The following CLIP1 variants were observed in gnomAD, a reference collection of about 807,000 sequenced individuals.
CLIP1 encodes the protein CAP-Gly domain-containing linker protein 1.
A neutral mutation model predicts 161.6 loss-of-function variants in CLIP1; 66 were observed. The observed-to-expected ratio is 0.41, with a 90% CI of 0.33 to 0.50. CLIP1 has a LOEUF of 0.50. Ranked by LOEUF, CLIP1 falls within the 20% of genes least tolerant of loss-of-function variation. The probability of loss-of-function intolerance (pLI) is 0.27; values close to 1 mark genes in which losing one functional copy is unlikely to be tolerated. For missense variants in CLIP1, 1,376 were observed against 1,702.0 expected (o/e 0.81, Z 3.37); for synonymous variants, 598 against 626.2 (o/e 0.96, Z 0.67).
At chr12:122,335,550 T>C (rs1015644140) in intron 12 of CLIP1, among the ~76,000 whole-genome samples, 1 of 151,962 alleles carries the variant, frequency 6.6e-6, no homozygotes. Context: ...CTCACGCCTA[T>C]AATCCCAGCA....
intron 12 of CLIP1, among the ~76,000 whole-genome samples, chr12:122,335,510 T>C (rs1952175790): frequency 6.6e-6 from 1 of 151,568 alleles, no homozygotes; most frequent in African/African-American, 2.4e-5. Context: ...CAAAACATTT[T>C]CTTAAAGGAC....
At position 122,341,658 on chromosome 12, in the gene CLIP1, C is replaced by T; in HGVS notation, c.1546G>A (p.Glu516Lys). The T allele has an allele frequency of 6.2e-7, 1 of 1,608,168 alleles. No homozygotes were observed. The highest frequency in any genetic ancestry group is 8.5e-7 in the Non-Finnish European group (1 of 1,178,232). Residue 516 changes from glutamate to lysine, a missense_variant, in exon 11 of 26, where the codon GAG (glutamate) becomes AAG (lysine). By Grantham distance (56) the Glu-to-Lys change is moderately conservative. Around this residue, in one of 6 missense-constraint regions of CLIP1, gnomAD observed 948 missense variants for 1,134.8 expected, o/e 0.84. Coordinates refer to ENST00000620786, the MANE Select transcript of CLIP1 (RefSeq NM_001247997.2). ...VSEKSRIMEL[E>K]KDLALRVQEV... ...TGTACTCTCAATGCTAGGTCTTTCT[C>T]CAGTTCCATTATACGTGACTTTTCT...
chr12:122,398,992 A>G (rs1013167025), intron 1 of CLIP1, among the ~76,000 whole-genome samples: 1 of 150,408 alleles, frequency 6.6e-6, no homozygotes, highest in African/African-American at 2.4e-5. Context: ...AAGAGGTTCC[A>G]CAAAACAAGC....
At chr12:122,304,514 C>T (rs1171052109) in intron 20 of CLIP1, among the ~76,000 whole-genome samples, 3 of 152,198 alleles carry the variant, frequency 2.0e-5, no homozygotes, top group Non-Finnish European at 2.9e-5. Flanking sequence ...GCATGCACCA[C>T]CATGCCCGGC....
chr12:122,340,818 G>T lies in CLIP1; in HGVS notation c.2386C>A (p.Gln796Lys). The T allele has an allele frequency of 6.2e-7, 1 of 1,612,774 alleles. No individual in the cohort carries two copies. The highest frequency in any genetic ancestry group is 8.5e-7 in the Non-Finnish European group (1 of 1,179,606). ...ATCTGTTTCTCAGCTGCCTCAAGCTGCTGTCTAAGTTTCTTCATTTCCGAT... is the reference window on the plus strand; with the variant it reads ...ATCTGTTTCTCAGCTGCCTCAAGCTTCTGTCTAAGTTTCTTCATTTCCGAT... ...GKSEMKKLRQ[Q>K]LEAAEKQIKH... Residue 796 changes from glutamine to lysine, a missense_variant, in exon 11 of 26, where the codon CAG becomes AAG. This residue lies in a region of CLIP1 where 948 missense variants were observed against 1,134.8 expected (regional missense o/e 0.84). Coordinates refer to ENST00000620786, the MANE Select transcript of CLIP1 (RefSeq NM_001247997.2).
rs866228198 is a variant in CLIP1 at position 122,415,465 on chromosome 12, G to A, written c.-107+7056C>T. The stretch of plus-strand genomic sequence containing the variant: ...CCACTGCACTCCAGCCTGGGCGACA[G>A]AGTGAGACTCCATCTCAAAAAAAAA... On this transcript the variant is annotated intron_variant, in intron 1 of 25. Transcript: ENST00000620786. Among the ~76,000 whole-genome samples the A allele has an allele frequency of 2.9e-5, 4 of 135,856 alleles. 1 individual carries two copies. The highest frequency in any genetic ancestry group is 6.1e-5 in the Non-Finnish European group (4 of 65,464). The allele number at this position is 135,856 out of a possible 152,430, so 89.1% of individuals were successfully genotyped here.
chr12:122,389,876 G>T (rs979727582), intron 1 of CLIP1, among the ~76,000 whole-genome samples: 2 of 150,684 alleles, frequency 1.3e-5, no homozygotes, highest in Non-Finnish European at 3.0e-5. Flanking sequence ...CTGGAGGGGG[G>T]GCCCGGTGGG....
intron 20 of CLIP1, among the ~76,000 whole-genome samples, chr12:122,297,199 T>C (rs1163558794): frequency 6.6e-6 from 1 of 152,118 alleles, no homozygotes; most frequent in African/African-American, 2.4e-5. Context: ...ATTTTGTAAA[T>C]AAACATGGTG....
chr12:122,341,188 G>C lies in CLIP1; in HGVS notation c.2016C>G (p.His672Gln). 6.2e-7 allele frequency: 1 copy of C among 1,614,052 alleles called. No homozygotes were observed. The highest frequency in any genetic ancestry group is 8.5e-7 in the Non-Finnish European group (1 of 1,180,016). The change falls in exon 11 of 26, where the codon CAC (histidine) becomes CAG (glutamine). Residue 672 changes from histidine to glutamine, a missense_variant. Physicochemically the swap from His to Gln is conservative, Grantham distance 24. Around this residue, in one of 6 missense-constraint regions of CLIP1, gnomAD observed 948 missense variants for 1,134.8 expected, o/e 0.84. Coordinates refer to ENST00000620786, the MANE Select transcript of CLIP1 (RefSeq NM_001247997.2). ...QIEKMRLDYQ[H>Q]EIENLQNQQD... is the part of the protein sequence containing the mutation. ...GTTGATTCTGCAAATTTTCTATTTC[G>C]TGTTGGTAATCTAGTCTCATTTTCT... is the stretch of plus-strand genomic sequence containing the variant.
chr12:122,345,638 T>A (rs1051086588), intron 10 of CLIP1, among the ~76,000 whole-genome samples: 2 of 152,298 alleles, frequency 1.3e-5, no homozygotes, highest in East Asian at 1.9e-4. Flanking sequence ...GAAATTTTTT[T>A]AAAAATCAGG....
At chr12:122,276,656 T>A in intron 24 of CLIP1, 1 of 343,042 alleles carries the variant, frequency 2.9e-6, no homozygotes, top group Non-Finnish European at 5.4e-6. Flanking sequence ...TTCTTTTATT[T>A]AAATATAAAA....
At chr12:122,281,567 A>G (rs1286254898) in intron 21 of CLIP1, among the ~76,000 whole-genome samples, 4 of 151,914 alleles carry the variant, frequency 2.6e-5, no homozygotes. Flanking sequence ...ATGGCAGCGC[A>G]TGCTTGTTGT....
intron 11 of CLIP1, among the ~76,000 whole-genome samples, chr12:122,339,306 T>C (rs2136325139): frequency 6.6e-6 from 1 of 151,804 alleles, no homozygotes; most frequent in South Asian, 2.1e-4. Context: ...TTACCCTTAA[T>C]TTTGCTGTGA....
rs142043967 is a variant in CLIP1 at position 122,373,668 on chromosome 12, A to G, written c.657+3721T>C. Among the ~76,000 whole-genome samples, 287 of 152,230 alleles carry G rather than the reference A, an allele frequency of 1.9e-3. 1 individual carries two copies. The highest frequency in any genetic ancestry group is 6.2e-3 in the African/African-American group (258 of 41,550). On this transcript the variant is annotated intron_variant, in intron 3 of 25. Coordinates refer to ENST00000620786, the MANE Select transcript of CLIP1 (RefSeq NM_001247997.2). ...TTGACTCAAATTTCATTTCTAGGGG[A>G]AAAATGGGTGCAATCTAAATGTGTA...
At chr12:122,368,708 C>T (rs1460991335) in intron 3 of CLIP1, among the ~76,000 whole-genome samples, 1 of 151,822 alleles carries the variant, frequency 6.6e-6, no homozygotes, top group African/African-American at 2.4e-5. Context: ...TTTGGGAGGC[C>T]GAGGCAGGCA....
intron 1 of CLIP1, among the ~76,000 whole-genome samples, chr12:122,409,607 C>CT (rs1359477955): frequency 1.3e-5 from 2 of 152,106 alleles, no homozygotes; most frequent in Non-Finnish European, 2.9e-5. Flanking sequence ...TCTCAGCTCA[C>CT]TGCAACCTCT....
Position 122,364,150 on chromosome 12 carries a change from T to C in CLIP1, c.658-43A>G, listed in dbSNP as rs759620923. On this transcript the variant is annotated intron_variant, in intron 3 of 25. Transcript: ENST00000620786. ...TAAAATAAAGAGATGAACATCACTCTATAGCTTAATCGTTTGTGGTCCCTA... is the reference window on the plus strand; with the variant it reads ...TAAAATAAAGAGATGAACATCACTCCATAGCTTAATCGTTTGTGGTCCCTA... 7 of 1,612,328 alleles carry C rather than the reference T, an allele frequency of 4.3e-6. No individual in the cohort carries two copies. In the South Asian group the frequency reaches 7.7e-5, roughly 18 times the overall value.
At chr12:122,383,671 T>G (rs1206423221) in intron 1 of CLIP1, among the ~76,000 whole-genome samples, 1 of 152,218 alleles carries the variant, frequency 6.6e-6, no homozygotes, top group Non-Finnish European at 1.5e-5. Context: ...TAATTTCTTT[T>G]TCATGCATTA....
intron 1 of CLIP1, among the ~76,000 whole-genome samples, chr12:122,397,551 T>C (rs1486796341): frequency 1.6e-4 from 4 of 24,940 alleles, no homozygotes; most frequent in Admixed American, 9.1e-4. Flanking sequence ...AGACTCCATC[T>C]CCAAAAAAAA....
Sources: allele counts gnomAD v4.1 joint callset (sites outside exome capture counted in the v4.1 genomes callset), GRCh38; gene constraint gnomAD v4.1.1; regional missense constraint gnomAD v4.1.1; transcripts MANE v1.5; gene names NCBI Gene and HGNC (gene_info 2026-07-23, HGNC 2026-07-21).